Variants in LAMA3 observed in about 807,000 individuals in gnomAD.
LAMA3 encodes laminin subunit alpha 3.
Under a neutral mutation model 402.0 loss-of-function variants are expected in LAMA3, and 281 were observed. The ratio of observed to expected loss-of-function variants is 0.70; its 90% CI spans 0.63 to 0.77. The LOEUF (loss-of-function observed/expected upper bound fraction) is 0.77. Among genes scored for constraint, LAMA3 ranks in the 30% least tolerant of loss-of-function variants. The pLI is 0.00. For missense variants in LAMA3, 3,840 were observed against 4,215.5 expected, an observed-to-expected ratio of 0.91 and a Z score of 2.47; for synonymous variants, 1,431 against 1,558.4, an observed-to-expected ratio of 0.92 and a Z score of 1.93.
intron 65 of LAMA3, among the ~76,000 whole-genome samples, chr18:23,931,941 C>T (rs773923122): frequency 1.2e-4 from 18 of 152,180 alleles, no homozygotes; most frequent in South Asian, 2.1e-4. Flanking sequence ...TCTTTCAAAA[C>T]GCCATCTTTG....
rs148067588 is a variant in LAMA3, at chr18:23,846,682, G to A, written c.3931+174G>A. ...GCCTGAGTCTCTACATTTCCAATAA[G>A]CACCCAGGTGATGCCCATGCTGCTG... On this transcript the variant is annotated intron_variant, in intron 31 of 74. Transcript: ENST00000313654. 6.1e-4 allele frequency among the ~76,000 whole-genome samples: 93 copies of A among 152,296 alleles called. 1 individual carries two copies. In the Middle Eastern group the frequency reaches 0.01, roughly 17 times the overall value.
At chr18:23,934,000 T>C in intron 67 of LAMA3, 65 bp downstream of exon 67, 1 of 1,496,856 alleles carries the variant, frequency 6.7e-7, no homozygotes, top group Non-Finnish European at 9.3e-7. Context: ...GCCTGCCTTG[T>C]GGGAGATATT....
At chr18:23,895,674 A>C (rs1343698832) in intron 44 of LAMA3, among the ~76,000 whole-genome samples, 1 of 152,178 alleles carries the variant, frequency 6.6e-6, no homozygotes, top group Admixed American at 6.5e-5. Context: ...GATAATGATA[A>C]TTTATGACTT....
chr18:23,917,477 C>T (rs190972860), intron 60 of LAMA3, among the ~76,000 whole-genome samples: 11 of 152,296 alleles, frequency 7.2e-5, no homozygotes, highest in East Asian at 1.9e-4. Flanking sequence ...TTTACATTCC[C>T]GCCAGCAGTG....
Position 23,748,821 on chromosome 18 carries a change from C to T in LAMA3, c.566-607C>T, listed in dbSNP as rs533010780. ...GAAAAAAAAAAAAAAAGAATATCCC[C>T]ATTTTTCAAGCATGTGTTCAATAAT... On this transcript the variant is annotated intron_variant, in intron 3 of 74. Transcript: ENST00000313654. Among the ~76,000 whole-genome samples, 7 of 152,016 alleles carry T rather than the reference C, an allele frequency of 4.6e-5. No individual in the cohort carries two copies. The East Asian group carries it at 1.4e-3, about 29-fold the overall frequency.
intron 38 of LAMA3, chr18:23,873,184 A>C: frequency 6.2e-7 from 1 of 1,614,272 alleles, no homozygotes; most frequent in Non-Finnish European, 8.5e-7. Context: ...AGTCAACTGC[A>C]AGCGAGTTAT....
intron 62 of LAMA3, among the ~76,000 whole-genome samples, chr18:23,923,887 A>G (rs2081925152): frequency 6.6e-6 from 1 of 152,252 alleles, no homozygotes; most frequent in Non-Finnish European, 1.5e-5. Context: ...TAGAACCACA[A>G]AAGAGGTGGC....
intron 49 of LAMA3, 122 bp downstream of exon 49, chr18:23,903,247 G>T: frequency 2.9e-6 from 2 of 691,036 alleles, no homozygotes; most frequent in Admixed American, 4.7e-5. Flanking sequence ...AGATGGAAGA[G>T]AATATAATGA....
intron 64 of LAMA3, 30 bp downstream of exon 64, chr18:23,928,795 G>A: frequency 6.3e-7 from 1 of 1,596,546 alleles, no homozygotes; most frequent in Non-Finnish European, 8.6e-7. Flanking sequence ...TATCAAACAA[G>A]ATTTAAACCT....
intron 1 of LAMA3, among the ~76,000 whole-genome samples, chr18:23,705,978 T>C (rs184452129): frequency 7.0e-4 from 106 of 152,352 alleles, no homozygotes; most frequent in African/African-American, 2.5e-3. Context: ...CTTTTATTAA[T>C]ACTTTGCTTT....
At chr18:23,909,399 C>A in intron 55 of LAMA3, 104 bp downstream of exon 55, 1 of 1,076,872 alleles carries the variant, frequency 9.3e-7, no homozygotes, top group Non-Finnish European at 1.4e-6. Context: ...AATTGGTTGT[C>A]TTTCTTTCCC....
chr18:23,821,553 G>A (rs1290157190), intron 19 of LAMA3, among the ~76,000 whole-genome samples: 1 of 152,232 alleles, frequency 6.6e-6, no homozygotes, highest in Admixed American at 6.5e-5. Flanking sequence ...CAGTGGTTCA[G>A]AATTAAAATA....
intron 2 of LAMA3, among the ~76,000 whole-genome samples, chr18:23,715,720 GATACTAATACTAAAACTA>G (rs1158151470): frequency 9.9e-5 from 15 of 152,106 alleles, no homozygotes; most frequent in African/African-American, 3.4e-4. Flanking sequence ...TTGTTATGTT[GATACTAATACTAAAACTA>G]ATGCTAATAC....
chr18:23,954,407 A>AAG, intron 74 of LAMA3, 96 bp from the exon 75 acceptor site: 4 of 1,094,404 alleles, frequency 3.7e-6, no homozygotes, highest in Non-Finnish European at 5.2e-6. Context: ...TGTCTAAAAA[A>AAG]AAAAAAAAAA....
intron 1 of LAMA3, among the ~76,000 whole-genome samples, chr18:23,706,915 C>T (rs2060900044): frequency 6.6e-6 from 1 of 152,062 alleles, no homozygotes; most frequent in Non-Finnish European, 1.5e-5. Flanking sequence ...CCCGTCTCTA[C>T]TAAAAATACA....
At chr18:23,833,792 C>CCA in intron 23 of LAMA3, 36 bp from the exon 24 acceptor site, 1 of 1,610,970 alleles carries the variant, frequency 6.2e-7, no homozygotes. Context: ...CATGTCACAG[C>CCA]TGGATCACAG....
chr18:23,920,920 G>T lies in LAMA3; in HGVS notation c.7924-15G>T. 6.2e-7 allele frequency: 1 copy of T among 1,613,704 alleles called. No individual in the cohort carries two copies. The highest frequency in any genetic ancestry group is 8.5e-7 in the Non-Finnish European group (1 of 1,179,898). On this transcript the variant is annotated splice_polypyrimidine_tract_variant and intron_variant, in intron 60 of 74. Transcript: ENST00000313654. The stretch of plus-strand genomic sequence containing the variant: ...GCCAAGCCTTCTGGTCATCTGCATT[G>T]TTCCTCTGTCCTAGGATCGCTTCAT...
chr18:23,842,314 G>A, intron 27 of LAMA3, 81 bp from the exon 28 acceptor site: 1 of 1,561,364 alleles, frequency 6.4e-7, no homozygotes, highest in East Asian at 2.2e-5. Flanking sequence ...TTTAACCTTT[G>A]AATACTCTAT....
rs552223605 is a variant in LAMA3 at position 23,758,469 on chromosome 18, C to A, written c.1021C>A (p.Arg341Ser). 2 of 1,613,542 alleles carry A rather than the reference C, an allele frequency of 1.2e-6. No homozygotes were observed. Among genetic ancestry groups the A allele is most frequent in the Non-Finnish European group, 1.7e-6 (2 of 1,179,962 alleles). The change falls in exon 7 of 75, where the codon CGC becomes AGC. Residue 341 changes from arginine to serine, a missense_variant. By Grantham distance (110) the Arg-to-Ser change is moderately radical. Transcript: ENST00000313654. ...CTGCTGCACAGGGTACAATCAGAGG[C>A]GCTGGCGGCCCGCCGCTTGGGAGCA... ...DRCCTGYNQR[R>S]WRPAAWEQSH... is the part of the protein sequence containing the mutation.
Sources: allele counts gnomAD v4.1 joint callset (sites outside exome capture counted in the v4.1 genomes callset), GRCh38; gene constraint gnomAD v4.1.1; transcripts MANE v1.5; gene names NCBI Gene and HGNC (gene_info 2026-07-23, HGNC 2026-07-21).